Variants in ITGA3 observed in about 807,000 individuals in gnomAD.
ITGA3 encodes integrin alpha-3.
A neutral mutation model predicts 131.1 loss-of-function variants in ITGA3; 70 were observed. The ratio of observed to expected loss-of-function variants is 0.53; its 90% CI spans 0.44 to 0.65. ITGA3 has a LOEUF of 0.65. Among genes scored for constraint, ITGA3 ranks in the 30% least tolerant of loss-of-function variants. ITGA3 has a pLI of 0.00. For missense variants in ITGA3, 1,098 were observed against 1,388.6 expected (o/e 0.79, Z 3.33); for synonymous variants, 537 against 571.6 (o/e 0.94, Z 0.86).
intron 5 of ITGA3, 122 bp from the exon 6 acceptor site, chr17:50,071,189 A>G (rs1908611703): frequency 1.1e-6 from 1 of 914,826 alleles, no homozygotes; most frequent in Admixed American, 2.2e-5. Flanking sequence ...TTCTTGCCCT[A>G]CTTGGAATAG....
chr17:50,085,267 G>T (rs1165173718), intron 23 of ITGA3, among the ~76,000 whole-genome samples: 1 of 151,910 alleles, frequency 6.6e-6, no homozygotes, highest in Non-Finnish European at 1.5e-5. Flanking sequence ...AAGGGTGTAT[G>T]TGACATGATC....
chr17:50,078,020 C>A, intron 16 of ITGA3, 26 bp from the exon 17 acceptor site: 1 of 1,593,314 alleles, frequency 6.3e-7, no homozygotes, highest in East Asian at 2.3e-5. Context: ...ATATGCCACT[C>A]TCTGCCTCCC....
Position 50,074,220 on chromosome 17 carries a change from A to T in ITGA3, c.1322A>T (p.Asp441Val). ...GYSLSGQMDV[D>V]ENFYPDLLVG... ...TCCCTCAGTGGGCAGATGGATGTGG[A>T]TGAGAACTTCTACCCAGACCTTCTA... Residue 441 changes from aspartate to valine, a missense_variant, in exon 9 of 26, where the codon GAT (aspartate) becomes GTT (valine). By Grantham distance (152) the Asp-to-Val change is radical (BLOSUM62 -3). Transcript: ENST00000320031. 6.2e-7 allele frequency: 1 copy of T among 1,614,124 alleles called. No individual in the cohort carries two copies. Among genetic ancestry groups the T allele is most frequent in the Non-Finnish European group, 8.5e-7 (1 of 1,180,006 alleles).
At chr17:50,073,634 G>GCACA (rs929136109) in intron 7 of ITGA3, among the ~76,000 whole-genome samples, 1 of 122,640 alleles carries the variant, frequency 8.2e-6, no homozygotes, top group South Asian at 2.6e-4. Context: ...ACACACACAC[G>GCACA]CACACACGCA....
In ITGA3 at chr17:50,064,323, C is replaced by A; in HGVS notation, c.334+119C>A. 1 of 1,369,788 alleles carries A rather than the reference C, an allele frequency of 7.3e-7. No homozygotes were observed. Among genetic ancestry groups the A allele is most frequent in the Non-Finnish European group, 1.0e-6 (1 of 1,003,768 alleles). 84.9% of individuals were successfully genotyped at this position (1,369,788 alleles called of 1,614,324 possible). On this transcript the variant is annotated intron_variant, in intron 2 of 25. Transcript: ENST00000320031. This position sits in a 1 kb window ranked among gnomAD's most constrained non-coding sequence, Gnocchi z 4.4. The stretch of plus-strand genomic sequence containing the variant: ...CACACGGCTTCTAGTCGCTTCTTGT[C>A]CAGCTGGGAAGAGGGTGCCCTAGAG...
chr17:50,064,777 G>T lies in ITGA3; in HGVS notation c.414+170G>T, dbSNP rs1207802894. On this transcript the variant is annotated intron_variant, in intron 3 of 25. Coordinates refer to ENST00000320031, the MANE Select transcript of ITGA3 (RefSeq NM_002204.4). This position sits in a 1 kb window ranked among gnomAD's most constrained non-coding sequence, Gnocchi z 4.4. Reference sequence around the variant, plus strand: ...TGTCCCTCGCTCTCTGCACTCCTGGGGAGGGGGTGAGTATCCTGTGCTCTC... The same window carrying T: ...TGTCCCTCGCTCTCTGCACTCCTGGTGAGGGGGTGAGTATCCTGTGCTCTC... The T allele has an allele frequency of 1.7e-6, 1 of 584,862 alleles. No homozygotes were observed. The allele number at this position is 584,862 out of a possible 1,614,324, so 36.2% of individuals were successfully genotyped here.
rs1441627504 is a variant in ITGA3 at position 50,056,678 on chromosome 17, G to A, written c.206+33G>A. On this transcript the variant is annotated intron_variant, in intron 1 of 25. Coordinates refer to ENST00000320031, the MANE Select transcript of ITGA3 (RefSeq NM_002204.4). This position sits in a 1 kb window ranked among gnomAD's most constrained non-coding sequence, Gnocchi z 5.6. ...AAGCTGGAGGGTGTGGGGTGGGAGCGAGAGAGTGTGCGAGCGCGGGATGCG... is the reference window on the plus strand; with the variant it reads ...AAGCTGGAGGGTGTGGGGTGGGAGCAAGAGAGTGTGCGAGCGCGGGATGCG... The A allele has an allele frequency of 6.4e-7, 1 of 1,570,448 alleles. No individual in the cohort carries two copies. Among genetic ancestry groups the A allele is most frequent in the Non-Finnish European group, 8.6e-7 (1 of 1,156,920 alleles).
chr17:50,074,580 C>T, intron 10 of ITGA3, 46 bp downstream of exon 10: 2 of 1,368,414 alleles, frequency 1.5e-6, no homozygotes, highest in Admixed American at 1.7e-5. Flanking sequence ...TATAGGGAGG[C>T]TAGGAGGGGC....
At chr17:50,076,952 A>G in intron 14 of ITGA3, 22 bp from the exon 15 acceptor site, 1 of 1,588,758 alleles carries the variant, frequency 6.3e-7, no homozygotes. Context: ...CTCTTGGCTG[A>G]GTCCTGGGCT....
intron 18 of ITGA3, among the ~76,000 whole-genome samples, chr17:50,078,543 C>T (rs1909032524): frequency 1.3e-5 from 2 of 152,184 alleles, no homozygotes. Flanking sequence ...TATAAGAGCT[C>T]ATTGTGCTAA....
chr17:50,089,416 T>C lies in ITGA3; in HGVS notation c.*338T>C, dbSNP rs1909614226. 4.7e-6 allele frequency: 3 copies of C among 642,774 alleles called. No individual in the cohort carries two copies. The highest frequency in any genetic ancestry group is 8.1e-6 in the Non-Finnish European group (3 of 369,838). 39.8% of individuals were successfully genotyped at this position (642,774 alleles called of 1,614,324 possible). On this transcript the variant is annotated 3_prime_UTR_variant, in exon 26 of 26. Coordinates refer to ENST00000320031, the MANE Select transcript of ITGA3 (RefSeq NM_002204.4). ...CACCTCGTCAAGAGCATGCACATGC[T>C]GTCTGGCCCTGGGGATCTTCCCACA... is the stretch of plus-strand genomic sequence containing the variant.
chr17:50,072,795 A>G (rs998375248), intron 7 of ITGA3, among the ~76,000 whole-genome samples: 29 of 152,054 alleles, frequency 1.9e-4, no homozygotes, highest in Non-Finnish European at 2.9e-4. Flanking sequence ...ATGATAAGGA[A>G]TGGGACAAGG....
At chr17:50,087,548 AGTCT>A in intron 23 of ITGA3, 192 bp from the exon 24 acceptor site, 1 of 559,644 alleles carries the variant, frequency 1.8e-6, no homozygotes, top group South Asian at 2.7e-5. Flanking sequence ...TCTGGAGTCA[AGTCT>A]GTGCCTGGGA....
chr17:50,080,433 G>A, intron 22 of ITGA3, 58 bp downstream of exon 22: 1 of 986,238 alleles, frequency 1.0e-6, no homozygotes, highest in Non-Finnish European at 1.6e-6. Flanking sequence ...GAGAACAACA[G>A]GGAGAGGGCG....
chr17:50,077,000 A>T lies in ITGA3; in HGVS notation c.1949A>T (p.Lys650Ile). 6.2e-7 allele frequency: 1 copy of T among 1,610,934 alleles called. No individual in the cohort carries two copies. The highest frequency in any genetic ancestry group is 2.2e-5 in the East Asian group (1 of 44,786). The change falls in exon 15 of 26, where the codon AAA becomes ATA. Residue 650 changes from lysine (K) to isoleucine (I), a missense_variant. Lys to Ile is a moderately radical substitution (Grantham distance 102). Around this residue, in one of 3 missense-constraint regions of ITGA3, gnomAD observed 699 missense variants for 829.2 expected, o/e 0.84. Coordinates refer to ENST00000320031, the MANE Select transcript of ITGA3 (RefSeq NM_002204.4). ...CTCCAGTACAGCAGAGACGTCCGGA[A>T]ATTGCTCCTGAGCATCAACGTGACG... The part of the protein sequence containing the change: ...SRLQYSRDVR[K>I]LLLSINVTNT...
intron 18 of ITGA3, 27 bp downstream of exon 18, chr17:50,078,311 C>A: frequency 1.3e-6 from 2 of 1,588,420 alleles, no homozygotes; most frequent in Non-Finnish European, 1.7e-6. Context: ...ACCACCCCCA[C>A]CCCAGCCTGC....
chr17:50,063,810 T>G, intron 1 of ITGA3: 1 of 477,262 alleles, frequency 2.1e-6, no homozygotes, highest in Non-Finnish European at 3.8e-6. Flanking sequence ...CAGACTCAGA[T>G]TAGGTCACCT....
intron 20 of ITGA3, 69 bp downstream of exon 20, chr17:50,079,327 T>C: frequency 1.9e-6 from 3 of 1,568,278 alleles, no homozygotes; most frequent in Non-Finnish European, 1.7e-6. Flanking sequence ...TTCCCCTCCC[T>C]CCCCTCATAC....
In ITGA3 at chr17:50,076,387, G is replaced by A. The variant is rs1052858622; in HGVS notation, c.1736G>A (p.Arg579Gln). ...IISMNYSLPL[R>Q]MPDRPRLGLR... ...TCCATGAACTACTCTTTACCTTTGC[G>A]GATGCCCGATCGCCCCCGGCTGGGG... The change falls in exon 13 of 26, where the codon CGG (arginine) becomes CAG (glutamine). Residue 579 changes from arginine to glutamine, a missense_variant. By Grantham distance (43) the Arg-to-Gln change is conservative. Transcript: ENST00000320031. The A allele has an allele frequency of 9.3e-6, 15 of 1,613,318 alleles. No individual in the cohort carries two copies. The highest frequency in any genetic ancestry group is 1.2e-5 in the Non-Finnish European group (14 of 1,179,994).
Sources: gnomAD v4.1 joint callset for allele counts (sites outside exome capture counted in the v4.1 genomes callset) on GRCh38, gnomAD v4.1.1 for gene constraint, gnomAD v4.1.1 regional missense constraint, Gnocchi (gnomAD v3.1) non-coding constraint, MANE v1.5 for transcripts, NCBI Gene and HGNC (gene_info 2026-07-23, HGNC 2026-07-21) for gene names.